WASF2: variants seen among roughly 807,000 people sequenced by gnomAD.
WASF2 encodes WASP family member 2.
A neutral mutation model predicts 45.0 loss-of-function variants in WASF2; 14 were observed. The observed-to-expected ratio is 0.31, with a 90% confidence interval of 0.21 to 0.49. The LOEUF (loss-of-function observed/expected upper bound fraction) is 0.49, where lower values mean the gene tolerates loss of function less well. Ranked by LOEUF, WASF2 falls within the 20% of genes least tolerant of loss-of-function variation. The probability of loss-of-function intolerance (pLI) is 0.99; values close to 1 mark genes in which losing one functional copy is unlikely to be tolerated. For synonymous variants in WASF2, 200 were observed against 236.3 expected, an observed-to-expected ratio of 0.85 and a Z score of 1.41; for missense variants, 439 against 636.1, an observed-to-expected ratio of 0.69 and a Z score of 3.33.
intron 1 of WASF2, among the ~76,000 whole-genome samples, chr1:27,435,815 A>G (rs917812692): frequency 2.6e-5 from 4 of 152,262 alleles, no homozygotes; most frequent in African/African-American, 4.8e-5. Flanking sequence ...CTAGCTGTTC[A>G]TGACAAATAA....
chr1:27,445,032 G>A (rs1328339973), intron 1 of WASF2, among the ~76,000 whole-genome samples: 1 of 152,094 alleles, frequency 6.6e-6, no homozygotes, highest in Non-Finnish European at 1.5e-5. Context: ...GATTTTTGGT[G>A]TATACAACTC....
At chr1:27,454,559 A>C (rs1457658554) in intron 1 of WASF2, among the ~76,000 whole-genome samples, 1 of 152,030 alleles carries the variant, frequency 6.6e-6, no homozygotes, top group Non-Finnish European at 1.5e-5. Context: ...GGTGGTCTCG[A>C]ACTACTGGGC....
chr1:27,487,747 T>C (rs929409822), intron 1 of WASF2, among the ~76,000 whole-genome samples: 2 of 128,974 alleles, frequency 1.6e-5, no homozygotes, highest in African/African-American at 5.8e-5. Context: ...GTATATCATA[T>C]TATATAATGT....
intron 1 of WASF2, among the ~76,000 whole-genome samples, chr1:27,459,820 T>C (rs1043057321): frequency 6.6e-6 from 1 of 152,194 alleles, no homozygotes; most frequent in Non-Finnish European, 1.5e-5. Flanking sequence ...GTTAAATACA[T>C]ACTGTATAAG....
chr1:27,467,812 T>G (rs976730644), intron 1 of WASF2, among the ~76,000 whole-genome samples: 2 of 151,784 alleles, frequency 1.3e-5, no homozygotes, highest in Non-Finnish European at 2.9e-5. Context: ...CTGGGGAGGC[T>G]GAGGCAGGAG....
chr1:27,409,496 G>A (rs1436673707), intron 8 of WASF2, among the ~76,000 whole-genome samples, 196 bp downstream of exon 8: 3 of 124,530 alleles, frequency 2.4e-5, no homozygotes, highest in South Asian at 2.4e-4. Flanking sequence ...AAGGTGGAAA[G>A]AAATCTAAAT....
At chr1:27,454,719 T>G (rs147543950) in intron 1 of WASF2, among the ~76,000 whole-genome samples, 2 of 152,180 alleles carry the variant, frequency 1.3e-5, no homozygotes, top group Non-Finnish European at 2.9e-5. Context: ...TTTCTAATAT[T>G]AACGTATATA....
intron 1 of WASF2, among the ~76,000 whole-genome samples, chr1:27,468,712 G>A (rs1032097820): frequency 6.0e-5 from 9 of 151,140 alleles, no homozygotes; most frequent in African/African-American, 1.9e-4. Flanking sequence ...GGGCACGGTG[G>A]TTCACGCCTG....
At chr1:27,455,338 T>C (rs146330740) in intron 1 of WASF2, among the ~76,000 whole-genome samples, 1 of 152,212 alleles carries the variant, frequency 6.6e-6, no homozygotes, top group Non-Finnish European at 1.5e-5. Context: ...CTCCTAATAA[T>C]TAACCAGATG....
intron 1 of WASF2, among the ~76,000 whole-genome samples, chr1:27,485,932 G>C (rs528276793): frequency 6.6e-6 from 1 of 152,082 alleles, no homozygotes; most frequent in Non-Finnish European, 1.5e-5. Flanking sequence ...GGCTGGTCTC[G>C]AACTCCTGAC....
intron 1 of WASF2, among the ~76,000 whole-genome samples, chr1:27,461,201 T>C (rs971883383): frequency 6.6e-6 from 1 of 152,140 alleles, no homozygotes; most frequent in Non-Finnish European, 1.5e-5. Context: ...TTGAAATAAT[T>C]GCAAACTTGG....
intron 1 of WASF2, among the ~76,000 whole-genome samples, chr1:27,471,344 C>CAA (rs35393807): frequency 0.13 from 6,620 of 52,814 alleles, 365 homozygotes; most frequent in African/African-American, 0.14. Context: ...GACTCTGTCT[C>CAA]AAAAAAAAAA....
rs546629114 is a variant in WASF2 at position 27,412,511 on chromosome 1, C to A, written c.824+61G>T. 8 of 1,601,640 alleles carry A rather than the reference C, an allele frequency of 5.0e-6. No individual in the cohort carries two copies. In the South Asian group the frequency reaches 8.8e-5, roughly 18 times the overall value. ...CAGGCGTGAGCCACTGCTCCTGGTC[C>A]ATTCTTTTGTTCTCAAGTGTATAAC... On this transcript the variant is annotated intron_variant, in intron 7 of 8. Transcript: ENST00000618852.
chr1:27,477,966 G>A (rs2017792202), intron 1 of WASF2, among the ~76,000 whole-genome samples: 1 of 150,680 alleles, frequency 6.6e-6, no homozygotes, highest in Non-Finnish European at 1.5e-5. Flanking sequence ...AGAAATGGGA[G>A]GCAGGCCGGG....
intron 2 of WASF2, 29 bp from the exon 3 acceptor site, chr1:27,419,117 A>G: frequency 6.2e-7 from 1 of 1,608,796 alleles, no homozygotes; most frequent in Non-Finnish European, 8.5e-7. Context: ...CCAAGTCACT[A>G]GTGCATAGAA....
chr1:27,420,093 T>C (rs1386203934), intron 2 of WASF2, among the ~76,000 whole-genome samples: 2 of 152,044 alleles, frequency 1.3e-5, no homozygotes, highest in Non-Finnish European at 2.9e-5. Flanking sequence ...TTGGTAGAGA[T>C]GGGGATTTGC....
At chr1:27,422,546 G>C (rs968432264) in intron 2 of WASF2, among the ~76,000 whole-genome samples, 1 of 149,226 alleles carries the variant, frequency 6.7e-6, no homozygotes, top group Non-Finnish European at 1.5e-5. Flanking sequence ...ATGAACCCAG[G>C]AGGCGGAGCT....
intron 1 of WASF2, among the ~76,000 whole-genome samples, chr1:27,461,739 G>A (rs2148131763): frequency 6.6e-6 from 1 of 152,150 alleles, no homozygotes; most frequent in East Asian, 1.9e-4. Context: ...CTCCCAAAGT[G>A]CTGGGATTAC....
chr1:27,478,766 T>C (rs2017806202), intron 1 of WASF2, among the ~76,000 whole-genome samples: 1 of 151,922 alleles, frequency 6.6e-6, no homozygotes, highest in Non-Finnish European at 1.5e-5. Context: ...GTATTTTTAG[T>C]AGAGACAGGG....
Sources: allele counts gnomAD v4.1 joint callset (sites outside exome capture counted in the v4.1 genomes callset), GRCh38; gene constraint gnomAD v4.1.1; transcripts MANE v1.5; gene names NCBI Gene and HGNC (gene_info 2026-07-23, HGNC 2026-07-21).